ADD1: variants seen among roughly 807,000 people sequenced by gnomAD.
ADD1 encodes adducin 1.
A neutral mutation model predicts 80.5 loss-of-function variants in ADD1; 24 were observed. The observed-to-expected ratio is 0.30, with a 90% CI of 0.22 to 0.42. The LOEUF is 0.42. Among genes scored for constraint, ADD1 ranks in the 10% least tolerant of loss-of-function variants. The pLI, the probability that ADD1 is intolerant of heterozygous loss-of-function variation, is 1.00. For missense variants in ADD1, 948 were observed against 1,019.0 expected (o/e 0.93, Z 0.95); for synonymous variants, 373 against 393.8 (o/e 0.95, Z 0.63).
At chr4:2,847,225 C>A (rs972897702) in intron 1 of ADD1, among the ~76,000 whole-genome samples, 3 of 151,638 alleles carry the variant, frequency 2.0e-5, no homozygotes, top group African/African-American at 4.9e-5. Flanking sequence ...GAGTTTGAGA[C>A]CAGCCTGGAC....
chr4:2,910,264 C>T (rs1193737479), intron 13 of ADD1, among the ~76,000 whole-genome samples: 1 of 151,882 alleles, frequency 6.6e-6, no homozygotes, highest in Non-Finnish European at 1.5e-5. Context: ...CTGTCTCTTT[C>T]ACTTGTCACA....
intron 9 of ADD1, 39 bp from the exon 10 acceptor site, chr4:2,904,725 C>T (rs749988256): frequency 7.0e-6 from 11 of 1,562,710 alleles, no homozygotes; most frequent in South Asian, 6.7e-5. Flanking sequence ...GTTTTGAGAT[C>T]TGGAATATTG....
intron 15 of ADD1, among the ~76,000 whole-genome samples, chr4:2,927,364 G>C (rs1711975511): frequency 6.6e-6 from 1 of 152,224 alleles, no homozygotes; most frequent in Non-Finnish European, 1.5e-5. Context: ...AGAGTTTGGG[G>C]CCTGGGCCTC....
chr4:2,885,761 C>A (rs1310007829), intron 4 of ADD1, among the ~76,000 whole-genome samples: 2 of 151,914 alleles, frequency 1.3e-5, no homozygotes, highest in Non-Finnish European at 2.9e-5. Context: ...AGGCGCCCGC[C>A]ACCACGCCTG....
At position 2,907,852 on chromosome 4, in the gene ADD1, C is replaced by T. The variant is rs187302927; in HGVS notation, c.1608+8C>T. On this transcript the variant is annotated splice_region_variant and intron_variant, in intron 11 of 15. Coordinates refer to ENST00000683351, the MANE Select transcript of ADD1 (RefSeq NM_001354761.2). ...CAGGAGATGAGGAACAAGGTGCGTC[C>T]TGCGTCGGCACTCAGCGGGGGCTTG... 1.2e-6 allele frequency: 2 copies of T among 1,611,348 alleles called. No individual in the cohort carries two copies. The highest frequency in any genetic ancestry group is 2.7e-5 in the African/African-American group (2 of 74,966).
At chr4:2,877,782 C>T (rs145216720) in intron 2 of ADD1, among the ~76,000 whole-genome samples, 231 of 152,160 alleles carry the variant, frequency 1.5e-3, no homozygotes, top group Non-Finnish European at 2.9e-3. Context: ...CCCAGGAGTT[C>T]GAGACCAGCC....
intron 1 of ADD1, among the ~76,000 whole-genome samples, chr4:2,871,678 T>A (rs1730481081): frequency 6.6e-6 from 1 of 152,186 alleles, no homozygotes; most frequent in Non-Finnish European, 1.5e-5. Context: ...CTTCATCCAG[T>A]GTCAGTGGTT....
At chr4:2,887,448 G>A (rs1201204860) in intron 4 of ADD1, 1 of 149,768 alleles carries the variant, frequency 6.7e-6, no homozygotes, top group Non-Finnish European at 1.5e-5. Context: ...AGAAGTGTTT[G>A]TGGGGGCTGG....
At position 2,926,207 on chromosome 4, in the gene ADD1, C is replaced by A; in HGVS notation, c.2047+95C>A. On this transcript the variant is annotated intron_variant, in intron 15 of 15. Transcript: ENST00000683351. The surrounding 1 kb of genome is among the most constrained non-coding windows in gnomAD (Gnocchi z 5.0). ...GGCGGGAGTCGTGTTAACAGCAACA[C>A]GGAAGTGTGTGCTTGCATCAGCGCC... The A allele has an allele frequency of 9.2e-7, 1 of 1,085,318 alleles. No homozygotes were observed. The highest frequency in any genetic ancestry group is 1.9e-5 in the Admixed American group (1 of 53,944). The allele number at this position is 1,085,318 out of a possible 1,614,324, so 67.2% of individuals were successfully genotyped here.
intron 4 of ADD1, among the ~76,000 whole-genome samples, chr4:2,886,960 G>A (rs185729025): frequency 4.6e-5 from 7 of 152,298 alleles, no homozygotes; most frequent in Admixed American, 1.3e-4. Flanking sequence ...CACCTTCTTC[G>A]CAGGTTTTAA....
At chr4:2,861,469 TAA>T (rs1728809372) in intron 1 of ADD1, among the ~76,000 whole-genome samples, 1 of 152,172 alleles carries the variant, frequency 6.6e-6, no homozygotes, top group African/African-American at 2.4e-5. Context: ...GACTAGAGAT[TAA>T]GAGTCTTATT....
intron 1 of ADD1, among the ~76,000 whole-genome samples, chr4:2,872,250 G>T (rs1051744352): frequency 2.0e-5 from 3 of 152,132 alleles, no homozygotes; most frequent in African/African-American, 4.8e-5. Context: ...TGTTCCCAAA[G>T]ATTTCATTAA....
chr4:2,928,249 A>T lies in ADD1; in HGVS notation c.2126A>T (p.Asp709Val), dbSNP rs559671547. 1 of 1,614,080 alleles carries T rather than the reference A, an allele frequency of 6.2e-7. No homozygotes were observed. The highest frequency in any genetic ancestry group is 1.1e-5 in the South Asian group (1 of 91,074). The change falls in exon 16 of 16, where the codon GAT (aspartate) becomes GTT (valine). Residue 709 changes from aspartate (D) to valine (V), a missense_variant. Asp to Val is a radical substitution (Grantham distance 152). Coordinates refer to ENST00000683351, the MANE Select transcript of ADD1 (RefSeq NM_001354761.2). ...CCAACTCTCCCCGATCTGTCCCCTG[A>T]TGAACCTTCAGAAGCACTCGGCTTC... ...FKPTLPDLSPDEPSEALGFPM... is the reference protein window; with the variant it reads ...FKPTLPDLSPVEPSEALGFPM...
In ADD1 at chr4:2,915,043, G is replaced by T. The variant is rs1398275543; in HGVS notation, c.1948+3G>T. 6.2e-7 allele frequency: 1 copy of T among 1,609,474 alleles called. No individual in the cohort carries two copies. Among genetic ancestry groups the T allele is most frequent in the African/African-American group, 1.3e-5 (1 of 74,846 alleles). On this transcript the variant is annotated splice_donor_region_variant and intron_variant, in intron 14 of 15. Transcript: ENST00000683351. The stretch of plus-strand genomic sequence containing the variant: ...GAGGAAGCAGAAGGGCTCTGAAGGT[G>T]AGTGCTTGTGGTCCTGGGCACGGCC...
intron 2 of ADD1, 103 bp from the exon 3 acceptor site, chr4:2,881,795 A>C: frequency 2.2e-6 from 2 of 915,490 alleles, no homozygotes. Context: ...CCTTTCCAGC[A>C]CTGGATGAAA....
intron 13 of ADD1, among the ~76,000 whole-genome samples, chr4:2,912,410 C>T (rs958941559): frequency 1.3e-5 from 2 of 152,208 alleles, no homozygotes; most frequent in Non-Finnish European, 2.9e-5. Flanking sequence ...CACTGGGGAC[C>T]TGCTGCGCTG....
intron 4 of ADD1, among the ~76,000 whole-genome samples, chr4:2,889,351 A>C (rs995547569): frequency 6.6e-6 from 1 of 152,208 alleles, no homozygotes; most frequent in African/African-American, 2.4e-5. Flanking sequence ...CCAGTGAATT[A>C]AAGATTAAAT....
intron 14 of ADD1, among the ~76,000 whole-genome samples, chr4:2,919,796 A>T (rs1350690212): frequency 6.6e-6 from 1 of 150,408 alleles, no homozygotes; most frequent in Non-Finnish European, 1.5e-5. Flanking sequence ...CAGCTCCTGG[A>T]TTCATTGATT....
intron 3 of ADD1, among the ~76,000 whole-genome samples, chr4:2,882,893 C>T (rs1732599654): frequency 6.6e-6 from 1 of 152,108 alleles, no homozygotes; most frequent in African/African-American, 2.4e-5. Flanking sequence ...CGGCGTCTTG[C>T]TCTGTCTCCC....
Sources: gnomAD v4.1 joint callset for allele counts (sites outside exome capture counted in the v4.1 genomes callset) on GRCh38, gnomAD v4.1.1 for gene constraint, Gnocchi (gnomAD v3.1) non-coding constraint, MANE v1.5 for transcripts, NCBI Gene and HGNC (gene_info 2026-07-23, HGNC 2026-07-21) for gene names.